Variants in TSG101 observed in about 807,000 individuals in gnomAD.
TSG101 encodes tumor susceptibility gene 101 protein.
In TSG101, 19 loss-of-function variants were observed where a neutral mutation model predicts 48.5. The ratio of observed to expected loss-of-function variants is 0.39; its 90% CI spans 0.27 to 0.58. The LOEUF is 0.58. Ranked by LOEUF, TSG101 falls within the 20% of genes least tolerant of loss-of-function variation. TSG101 has a pLI of 0.55. For synonymous variants in TSG101, 174 were observed against 169.4 expected (o/e 1.03, Z -0.21); for missense variants, 365 against 484.4 (o/e 0.75, Z 2.31).
Position 18,484,004 on chromosome 11 carries a change from T to C in TSG101, c.709A>G (p.Lys237Glu). 2.5e-6 allele frequency: 4 copies of C among 1,614,226 alleles called. No homozygotes were observed. Among genetic ancestry groups the C allele is most frequent in the Non-Finnish European group, 3.4e-6 (4 of 1,180,040 alleles). The change falls in exon 8 of 10, where the codon AAA becomes GAA. Residue 237 changes from lysine to glutamate, a missense_variant. By Grantham distance (56) the Lys-to-Glu change is moderately conservative. Transcript: ENST00000251968. ...TCCTCCTTCATCCGCCATCTCAGTT[T>C]GTCACTGACCGCAGAGATGAGAGAG... The part of the protein sequence containing the change: ...RASLISAVSD[K>E]LRWRMKEEMD...
rs780108253 is a variant in TSG101 at position 18,509,555 on chromosome 11, C to T, written c.468G>A (p.Thr156=). The change falls in exon 5 of 10, where the codon ACG becomes ACA. Residue 156 remains threonine, a synonymous_variant. Transcript: ENST00000251968. ...ISASYPPYQA[T]GPPNTSYMPG... ...AATTCTACTTACTATTTGGTGGCCCCGTTGCCTGGTATGGCGGATAGGATG... is the reference window on the plus strand; with the variant it reads ...AATTCTACTTACTATTTGGTGGCCCTGTTGCCTGGTATGGCGGATAGGATG... 1.2e-5 allele frequency: 20 copies of T among 1,613,048 alleles called. No homozygotes were observed. Among genetic ancestry groups the T allele is most frequent in the South Asian group, 9.9e-5 (9 of 90,968 alleles).
rs1849546776 is a variant in TSG101 at position 18,481,882 on chromosome 11, C to T, written c.844-13G>A. ...TATCAACCTCGGCCTGAAAACAGAA[C>T]AGTCCAAGCATTAATAACTGTACAT... On this transcript the variant is annotated splice_polypyrimidine_tract_variant and intron_variant, in intron 8 of 9. Coordinates refer to ENST00000251968, the MANE Select transcript of TSG101 (RefSeq NM_006292.4). 1 of 1,611,004 alleles carries T rather than the reference C, an allele frequency of 6.2e-7. No individual in the cohort carries two copies. Among genetic ancestry groups the T allele is most frequent in the Non-Finnish European group, 8.5e-7 (1 of 1,179,692 alleles).
chr11:18,505,501 C>T (rs962729474), intron 6 of TSG101, among the ~76,000 whole-genome samples: 4 of 152,024 alleles, frequency 2.6e-5, no homozygotes, highest in African/African-American at 9.7e-5. Flanking sequence ...GCAATCCCTA[C>T]CTCGGCCTCC....
chr11:18,506,864 T>G lies in TSG101; in HGVS notation c.541A>C (p.Asn181His), dbSNP rs749162548. The change falls in exon 6 of 10, where the codon AAT (asparagine) becomes CAT (histidine). Residue 181 changes from asparagine to histidine, a missense_variant. Transcript: ENST00000251968. ...ISPYPSGYPP[N>H]PSGYPGCPYP... Reference sequence around the variant, plus strand: ...AAGAACGTTTTTCATTACCTGGGATTGGGAGGGTATCCGGATGGGTATGGA... The same window carrying G: ...AAGAACGTTTTTCATTACCTGGGATGGGGAGGGTATCCGGATGGGTATGGA... The G allele has an allele frequency of 6.9e-6, 11 of 1,594,180 alleles. No homozygotes were observed. Among genetic ancestry groups the G allele is most frequent in the Non-Finnish European group, 9.4e-6 (11 of 1,168,452 alleles).
In TSG101 at chr11:18,502,476, G is replaced by C. The variant is rs767212352; in HGVS notation, c.640+10C>G. Reference sequence around the variant, plus strand: ...TATATGGTGAAACACAAGTTTTCAAGGGTACTTACCAACAGTGGTCACAGG... The same window carrying C: ...TATATGGTGAAACACAAGTTTTCAACGGTACTTACCAACAGTGGTCACAGG... On this transcript the variant is annotated intron_variant, in intron 7 of 9. Coordinates refer to ENST00000251968, the MANE Select transcript of TSG101 (RefSeq NM_006292.4). 2.5e-6 allele frequency: 4 copies of C among 1,608,110 alleles called. No homozygotes were observed. The Admixed American group carries it at 5.0e-5, about 20-fold the overall frequency.
intron 5 of TSG101, among the ~76,000 whole-genome samples, chr11:18,508,219 A>G (rs889728751): frequency 6.9e-6 from 1 of 145,250 alleles, no homozygotes; most frequent in Non-Finnish European, 1.5e-5. Flanking sequence ...AATATTTGAT[A>G]TCTTTTTTTT....
chr11:18,521,821 T>C (rs927499191), intron 1 of TSG101, among the ~76,000 whole-genome samples: 1 of 151,656 alleles, frequency 6.6e-6, no homozygotes, highest in African/African-American at 2.4e-5. Context: ...GGACTACAGG[T>C]ATGCGCCACA....
At chr11:18,513,977 G>A (rs938300664) in intron 4 of TSG101, among the ~76,000 whole-genome samples, 2 of 152,000 alleles carry the variant, frequency 1.3e-5, no homozygotes, top group Non-Finnish European at 2.9e-5. Context: ...TACTCAGTAG[G>A]TTGAGTCTAC....
chr11:18,508,221 CTTT>C (rs528297285), intron 5 of TSG101, among the ~76,000 whole-genome samples: 18 of 135,848 alleles, frequency 1.3e-4, no homozygotes, highest in Admixed American at 2.2e-4. Flanking sequence ...TATTTGATAT[CTTT>C]TTTTTTTTTT....
At chr11:18,482,548 C>T (rs554055324) in intron 8 of TSG101, among the ~76,000 whole-genome samples, 16 of 152,286 alleles carry the variant, frequency 1.1e-4, no homozygotes, top group African/African-American at 2.6e-4. Context: ...GAAAATGGAG[C>T]GTGAAATTGG....
At chr11:18,506,132 T>C (rs566207925) in intron 6 of TSG101, among the ~76,000 whole-genome samples, 2 of 152,214 alleles carry the variant, frequency 1.3e-5, no homozygotes, top group East Asian at 1.9e-4. Flanking sequence ...CCCGGCCTTA[T>C]TGCTAGAATT....
chr11:18,519,644 T>G, intron 1 of TSG101, 41 bp from the exon 2 acceptor site: 1 of 1,420,396 alleles, frequency 7.0e-7, no homozygotes, highest in Non-Finnish European at 9.8e-7. Context: ...TTAAAACCAA[T>G]GCATATATTT....
chr11:18,500,153 C>T (rs570084379), intron 7 of TSG101, among the ~76,000 whole-genome samples: 10 of 152,248 alleles, frequency 6.6e-5, no homozygotes, highest in African/African-American at 1.7e-4. Flanking sequence ...GCTACAATGA[C>T]GTTTTCATTC....
At chr11:18,521,670 CTTTTTTT>C (rs869176661) in intron 1 of TSG101, among the ~76,000 whole-genome samples, 8 of 66,742 alleles carry the variant, frequency 1.2e-4, no homozygotes, top group African/African-American at 3.5e-4. Flanking sequence ...TGGCCCCTTC[CTTTTTTT>C]TTTTTTTTTT....
At chr11:18,501,918 T>C (rs915299340) in intron 7 of TSG101, among the ~76,000 whole-genome samples, 2 of 152,274 alleles carry the variant, frequency 1.3e-5, no homozygotes, top group African/African-American at 2.4e-5. Context: ...CAGCTTTAGA[T>C]AGAAGCAAAG....
chr11:18,526,729 G>T, intron 1 of TSG101, 46 bp downstream of exon 1: 1 of 1,588,816 alleles, frequency 6.3e-7, no homozygotes. Context: ...GGGCGCGGAA[G>T]GGAGCGGTGG....
intron 2 of TSG101, among the ~76,000 whole-genome samples, chr11:18,516,857 C>G (rs1486718372): frequency 6.6e-6 from 1 of 151,522 alleles, no homozygotes; most frequent in Admixed American, 6.6e-5. Flanking sequence ...AGGAGAATTG[C>G]TTGAACCCAG....
intron 3 of TSG101, 88 bp downstream of exon 3, chr11:18,516,011 G>T: frequency 8.6e-7 from 1 of 1,161,810 alleles, no homozygotes; most frequent in Non-Finnish European, 1.2e-6. Flanking sequence ...CCCTGAGAAA[G>T]TAGGTTTAAT....
At chr11:18,485,951 T>G (rs554451817) in intron 7 of TSG101, among the ~76,000 whole-genome samples, 2 of 152,322 alleles carry the variant, frequency 1.3e-5, no homozygotes, top group African/African-American at 4.8e-5. Context: ...CTTCTATTCC[T>G]GTTTGCCCAC....
Sources: allele counts gnomAD v4.1 joint callset (sites outside exome capture counted in the v4.1 genomes callset), GRCh38; gene constraint gnomAD v4.1.1; transcripts MANE v1.5; gene names NCBI Gene and HGNC (gene_info 2026-07-23, HGNC 2026-07-21).